Variants in SEL1L3 observed in about 807,000 individuals in gnomAD.
SEL1L3 encodes the protein SEL1L family member 3, also known as protein sel-1 homolog 3.
In SEL1L3, 76 loss-of-function variants were observed where a neutral mutation model predicts 142.8. The ratio of observed to expected loss-of-function variants is 0.53; its 90% CI spans 0.44 to 0.64. The LOEUF is 0.64. Among genes scored for constraint, SEL1L3 ranks in the 30% least tolerant of loss-of-function variants. The pLI, the probability that SEL1L3 is intolerant of heterozygous loss-of-function variation, is 0.00. For missense variants in SEL1L3, 1,262 were observed against 1,381.7 expected, an observed-to-expected ratio of 0.91 and a Z score of 1.37; for synonymous variants, 504 against 519.6, an observed-to-expected ratio of 0.97 and a Z score of 0.41.
intron 13 of SEL1L3, among the ~76,000 whole-genome samples, chr4:25,785,138 A>C (rs1434778468): frequency 6.6e-6 from 1 of 152,238 alleles, no homozygotes; most frequent in African/African-American, 2.4e-5. Flanking sequence ...TCCTGGACTC[A>C]GACAACAGTT....
At chr4:25,799,675 G>A (rs1359699411) in intron 11 of SEL1L3, among the ~76,000 whole-genome samples, 1 of 152,134 alleles carries the variant, frequency 6.6e-6, no homozygotes, top group Non-Finnish European at 1.5e-5. Flanking sequence ...GTGGGATGAT[G>A]GAGGATCCAA....
chr4:25,809,069 T>C (rs1713836846), intron 9 of SEL1L3, among the ~76,000 whole-genome samples: 1 of 137,592 alleles, frequency 7.3e-6, no homozygotes, highest in African/African-American at 2.7e-5. Context: ...TGAGACTCTG[T>C]CTCAAAAAAA....
chr4:25,788,205 C>G lies in SEL1L3; in HGVS notation c.2217+19G>C. On this transcript the variant is annotated intron_variant, in intron 13 of 23. Transcript: ENST00000399878. This position sits in a 1 kb window ranked among gnomAD's most constrained non-coding sequence, Gnocchi z 5.3. ...TGATAAGAATTGCACAATTTCAGCA[C>G]GAATTAAGTGATTCTTACCTTGAAT... 2 of 1,611,534 alleles carry G rather than the reference C, an allele frequency of 1.2e-6. No individual in the cohort carries two copies. Among genetic ancestry groups the G allele is most frequent in the African/African-American group, 2.7e-5 (2 of 75,014 alleles).
intron 9 of SEL1L3, among the ~76,000 whole-genome samples, chr4:25,815,505 T>C (rs1284470219): frequency 6.6e-6 from 1 of 152,186 alleles, no homozygotes; most frequent in Admixed American, 6.5e-5. Context: ...AACATTCTCA[T>C]AGACAGTATT....
chr4:25,738,168 C>T, the SEL1L3 span, among the ~76,000 whole-genome samples: 1 of 152,190 alleles, frequency 6.6e-6, no homozygotes, highest in African/African-American at 2.4e-5. Flanking sequence ...GGATTACAGG[C>T]ATGAGCCACC....
At chr4:25,774,440 C>A (rs1306495048) in intron 17 of SEL1L3, among the ~76,000 whole-genome samples, 1 of 152,194 alleles carries the variant, frequency 6.6e-6, no homozygotes, top group Non-Finnish European at 1.5e-5. Flanking sequence ...ATCAACCAAC[C>A]AACCACCCAA....
chr4:25,791,645 T>C (rs533890051), intron 11 of SEL1L3, among the ~76,000 whole-genome samples: 1 of 152,278 alleles, frequency 6.6e-6, no homozygotes, highest in African/African-American at 2.4e-5. Flanking sequence ...TCTTTGTTAG[T>C]TAATTAAGAA....
At chr4:25,738,338 G>A in the SEL1L3 span, among the ~76,000 whole-genome samples, 1 of 152,036 alleles carries the variant, frequency 6.6e-6, no homozygotes, top group South Asian at 2.1e-4. Context: ...AAGTCCCTTG[G>A]GGCTAATCTT....
At chr4:25,854,625 A>T (rs779087241) in intron 1 of SEL1L3, among the ~76,000 whole-genome samples, 3 of 152,200 alleles carry the variant, frequency 2.0e-5, no homozygotes, top group Non-Finnish European at 4.4e-5. Context: ...ACAAAAGGTG[A>T]CAGAAGATAT....
chr4:25,721,212 A>T, the SEL1L3 span, among the ~76,000 whole-genome samples: 1 of 125,460 alleles, frequency 8.0e-6, no homozygotes. Context: ...ATAAGCTTGG[A>T]ACTTTTTTTT....
the SEL1L3 span, among the ~76,000 whole-genome samples, chr4:25,732,456 TC>T: frequency 6.6e-6 from 1 of 152,210 alleles, no homozygotes; most frequent in African/African-American, 2.4e-5. Context: ...ATTTTACATT[TC>T]CACCAACAGT....
At chr4:25,762,902 G>A (rs1021739022) in intron 20 of SEL1L3, among the ~76,000 whole-genome samples, 3 of 151,870 alleles carry the variant, frequency 2.0e-5, no homozygotes, top group African/African-American at 7.3e-5. Context: ...CCTGAACCTG[G>A]GAGGCGGAAG....
intron 2 of SEL1L3, among the ~76,000 whole-genome samples, chr4:25,840,891 C>G (rs1309195680): frequency 6.6e-6 from 1 of 152,168 alleles, no homozygotes; most frequent in African/African-American, 2.4e-5. Context: ...AGATGAAGCC[C>G]TTGTTGCCAT....
downstream of SEL1L3, among the ~76,000 whole-genome samples, chr4:25,743,554 T>C (rs796091466): frequency 6.6e-6 from 1 of 152,240 alleles, no homozygotes; most frequent in African/African-American, 2.4e-5. Context: ...CCAATCAATA[T>C]ATGTAAGACG....
rs1265823328 is a variant in SEL1L3, at chr4:25,822,016, G to A, written c.1270C>T (p.Arg424Cys). The change falls in exon 7 of 24, where the codon CGC becomes TGC. Residue 424 changes from arginine (R) to cysteine (C), a missense_variant. Arg to Cys is a radical substitution (Grantham distance 180, BLOSUM62 -3). Around this residue, in one of 3 missense-constraint regions of SEL1L3, gnomAD observed 689 missense variants for 692.8 expected, o/e 0.99. Coordinates refer to ENST00000399878, the MANE Select transcript of SEL1L3 (RefSeq NM_015187.5). ...FFGPLKYYRL[R>C]SLHPAQIFNP... ...CTCACCTGGGCGGGGTGCAGACTGCGAAGGCGATAGTACTTCAGGGGTCCA... is the reference window on the plus strand; with the variant it reads ...CTCACCTGGGCGGGGTGCAGACTGCAAAGGCGATAGTACTTCAGGGGTCCA... 7 of 1,613,692 alleles carry A rather than the reference G, an allele frequency of 4.3e-6. No homozygotes were observed. The highest frequency in any genetic ancestry group is 1.3e-5 in the African/African-American group (1 of 74,888).
chr4:25,727,750 G>A, the SEL1L3 span, among the ~76,000 whole-genome samples: 2 of 152,148 alleles, frequency 1.3e-5, no homozygotes, highest in African/African-American at 4.8e-5. Flanking sequence ...CCTGAGACAC[G>A]CTGGCACTCC....
chr4:25,721,523 T>A, the SEL1L3 span, among the ~76,000 whole-genome samples: 1 of 152,158 alleles, frequency 6.6e-6, no homozygotes, highest in Admixed American at 6.5e-5. Context: ...ACTTTCTCTG[T>A]GTCAGCATTG....
intron 17 of SEL1L3, among the ~76,000 whole-genome samples, chr4:25,772,873 C>T (rs1719328504): frequency 6.6e-6 from 1 of 152,190 alleles, no homozygotes; most frequent in South Asian, 2.1e-4. Context: ...TCTCAGCTCA[C>T]TGCAACCTCC....
At chr4:25,732,171 G>A in the SEL1L3 span, among the ~76,000 whole-genome samples, 2 of 152,146 alleles carry the variant, frequency 1.3e-5, no homozygotes, top group Non-Finnish European at 2.9e-5. Context: ...TTTCTCTTGG[G>A]TAATTACATG....
Sources: allele counts gnomAD v4.1 joint callset (sites outside exome capture counted in the v4.1 genomes callset), GRCh38; gene constraint gnomAD v4.1.1; regional missense constraint gnomAD v4.1.1; non-coding constraint Gnocchi (gnomAD v3.1); transcripts MANE v1.5; gene names NCBI Gene and HGNC (gene_info 2026-07-23, HGNC 2026-07-21).